Variants in CDYL2 observed in about 807,000 individuals in gnomAD.
CDYL2 encodes the protein chromodomain Y like 2.
In CDYL2, 23 loss-of-function variants were observed where a neutral mutation model predicts 49.4. The ratio of observed to expected loss-of-function variants is 0.47; its 90% CI spans 0.34 to 0.66. The LOEUF (loss-of-function observed/expected upper bound fraction) is 0.66, where lower values mean the gene tolerates loss of function less well. Among genes scored for constraint, CDYL2 ranks in the 30% least tolerant of loss-of-function variants. The pLI, the probability that CDYL2 is intolerant of heterozygous loss-of-function variation, is 0.01. For synonymous variants in CDYL2, 360 were observed against 268.8 expected (o/e 1.34, Z -3.32); for missense variants, 678 against 656.4 (o/e 1.03, Z -0.36).
At chr16:80,654,779 G>T (rs947477769) in intron 2 of CDYL2, among the ~76,000 whole-genome samples, 8 of 152,242 alleles carry the variant, frequency 5.3e-5, no homozygotes, top group African/African-American at 1.9e-4. Context: ...CCCCAGTTTT[G>T]TATTGTTCCC....
chr16:80,711,888 C>T (rs550761316), intron 1 of CDYL2, among the ~76,000 whole-genome samples: 151 of 151,852 alleles, frequency 9.9e-4, no homozygotes, highest in Middle Eastern at 3.4e-3. Context: ...GGAATAGAGA[C>T]GTCAACGGGA....
At chr16:80,781,773 A>G (rs960569410) in intron 1 of CDYL2, among the ~76,000 whole-genome samples, 1 of 152,216 alleles carries the variant, frequency 6.6e-6, no homozygotes, top group African/African-American at 2.4e-5. Flanking sequence ...TATGTAGAAA[A>G]TAAATGGCAC....
intron 3 of CDYL2, among the ~76,000 whole-genome samples, chr16:80,622,154 C>T (rs1300663479): frequency 1.1e-4 from 16 of 152,180 alleles, no homozygotes; most frequent in Admixed American, 1.0e-3. Flanking sequence ...CTGGCCATGG[C>T]CTTCCATTTA....
intron 1 of CDYL2, among the ~76,000 whole-genome samples, chr16:80,789,830 T>G (rs1468180637): frequency 6.6e-6 from 1 of 152,174 alleles, no homozygotes; most frequent in Admixed American, 6.5e-5. Context: ...AAATACTGTA[T>G]GTTCTCACTT....
chr16:80,714,574 CA>C (rs1424421118), intron 1 of CDYL2, among the ~76,000 whole-genome samples: 2 of 152,168 alleles, frequency 1.3e-5, no homozygotes, highest in Non-Finnish European at 2.9e-5. Context: ...GTGTCTCCTG[CA>C]AGACGTAAGA....
intron 1 of CDYL2, among the ~76,000 whole-genome samples, chr16:80,723,164 A>G (rs1277733252): frequency 6.6e-6 from 1 of 152,166 alleles, no homozygotes; most frequent in Non-Finnish European, 1.5e-5. Context: ...CTATAGGCCC[A>G]GGAATTCCTG....
chr16:80,706,057 C>T (rs1240242822), intron 1 of CDYL2, among the ~76,000 whole-genome samples: 1 of 152,230 alleles, frequency 6.6e-6, no homozygotes, highest in Non-Finnish European at 1.5e-5. Context: ...TGGAACTTAG[C>T]ATCCAGTGTA....
At chr16:80,677,932 A>G (rs1391166595) in intron 2 of CDYL2, among the ~76,000 whole-genome samples, 1 of 151,818 alleles carries the variant, frequency 6.6e-6, no homozygotes, top group Non-Finnish European at 1.5e-5. Flanking sequence ...AATGGAACAG[A>G]ACAGAGCCCT....
At chr16:80,787,891 T>C (rs1907488608) in intron 1 of CDYL2, among the ~76,000 whole-genome samples, 1 of 152,184 alleles carries the variant, frequency 6.6e-6, no homozygotes, top group Non-Finnish European at 1.5e-5. Flanking sequence ...CATGCAGACA[T>C]ATTTGCTAGA....
intron 1 of CDYL2, among the ~76,000 whole-genome samples, chr16:80,713,128 T>C (rs2142514692): frequency 6.6e-6 from 1 of 152,360 alleles, no homozygotes; most frequent in East Asian, 1.9e-4. Flanking sequence ...GTATGGCCCA[T>C]GATCTGCTGC....
At chr16:80,789,573 C>T (rs112918883) in intron 1 of CDYL2, among the ~76,000 whole-genome samples, 5,110 of 151,922 alleles carry the variant, frequency 0.034, 118 homozygotes, top group Admixed American at 0.076. Flanking sequence ...GCACTCCAGC[C>T]TGGGCAACAG....
At chr16:80,678,289 T>C (rs199580311) in intron 2 of CDYL2, among the ~76,000 whole-genome samples, 14 of 152,062 alleles carry the variant, frequency 9.2e-5, no homozygotes, top group South Asian at 4.1e-4. Flanking sequence ...AGAGCTTCTG[T>C]ACAGCAAAAG....
At position 80,663,601 on chromosome 16, in the gene CDYL2, T is replaced by C. The variant is rs183698825; in HGVS notation, c.616+20937A>G. On this transcript the variant is annotated intron_variant, in intron 2 of 6. Coordinates refer to ENST00000570137, the MANE Select transcript of CDYL2 (RefSeq NM_152342.4). The stretch of plus-strand genomic sequence containing the variant: ...TCACTGTCAGATGTCTAAATTTTTT[T>C]TTTCTTTTGAGACAGAGTTTCATTC... Among the ~76,000 whole-genome samples, 498 of 152,248 alleles carry C rather than the reference T, an allele frequency of 3.3e-3. 4 individuals are homozygous for C. Among genetic ancestry groups the C allele is most frequent in the African/African-American group, 0.012 (478 of 41,546 alleles).
intron 1 of CDYL2, among the ~76,000 whole-genome samples, chr16:80,754,030 A>G (rs1362688337): frequency 1.3e-5 from 2 of 152,240 alleles, no homozygotes; most frequent in Non-Finnish European, 2.9e-5. Flanking sequence ...ATAAGGCCCT[A>G]TGCTGAGAAC....
intron 3 of CDYL2, among the ~76,000 whole-genome samples, chr16:80,631,143 G>C (rs764742036): frequency 1.3e-5 from 2 of 152,206 alleles, no homozygotes; most frequent in African/African-American, 2.4e-5. Context: ...CACCTACTTG[G>C]TTAAGCTGTG....
intron 1 of CDYL2, among the ~76,000 whole-genome samples, chr16:80,692,378 A>T (rs966270327): frequency 6.6e-6 from 1 of 152,206 alleles, no homozygotes; most frequent in Non-Finnish European, 1.5e-5. Flanking sequence ...CAAGAATTCT[A>T]TTCTATAGCC....
chr16:80,751,571 CAG>C (rs1472438611), intron 1 of CDYL2, among the ~76,000 whole-genome samples: 2 of 152,192 alleles, frequency 1.3e-5, no homozygotes, highest in African/African-American at 4.8e-5. Context: ...AAAGCTAGGA[CAG>C]AAGAGAAACA....
At chr16:80,785,175 TTC>T (rs1415593163) in intron 1 of CDYL2, among the ~76,000 whole-genome samples, 1 of 152,136 alleles carries the variant, frequency 6.6e-6, no homozygotes, top group African/African-American at 2.4e-5. Flanking sequence ...GTGAAATTGT[TTC>T]TGTTTGCAGA....
chr16:80,720,696 T>C (rs962048675), intron 1 of CDYL2, among the ~76,000 whole-genome samples: 24 of 152,164 alleles, frequency 1.6e-4, no homozygotes, highest in Admixed American at 6.5e-5. Context: ...CTTGGACCAA[T>C]GTATAAATGA....
Sources: allele counts gnomAD v4.1 joint callset (sites outside exome capture counted in the v4.1 genomes callset), GRCh38; gene constraint gnomAD v4.1.1; transcripts MANE v1.5; gene names NCBI Gene and HGNC (gene_info 2026-07-23, HGNC 2026-07-21).